Variants in OSR1 observed in about 807,000 individuals in gnomAD.
OSR1 encodes the protein protein odd-skipped-related 1.
In OSR1, 3 loss-of-function variants were observed where a neutral mutation model predicts 15.7. The observed-to-expected ratio is 0.19, with a 90% CI of 0.09 to 0.50. The LOEUF (loss-of-function observed/expected upper bound fraction) is 0.50. Ranked by LOEUF, OSR1 falls within the 20% of genes least tolerant of loss-of-function variation. The probability of loss-of-function intolerance (pLI) is 0.97; values close to 1 mark genes in which losing one functional copy is unlikely to be tolerated. For missense variants in OSR1, 271 were observed against 351.1 expected, an observed-to-expected ratio of 0.77 and a Z score of 1.82; for synonymous variants, 166 against 152.7, an observed-to-expected ratio of 1.09 and a Z score of -0.64.
Position 19,353,706 on chromosome 2 carries a change from G to A in OSR1, c.100C>T (p.Pro34Ser). ...LQAVNGLPTV[P>S]SDHLPNLYGF... Reference sequence around the variant, plus strand: ...TACAGGTTGGGCAGATGGTCCGAAGGCACTGTGGGCAGGCCGTTCACTGCC... The same window carrying A: ...TACAGGTTGGGCAGATGGTCCGAAGACACTGTGGGCAGGCCGTTCACTGCC... Residue 34 changes from proline (P) to serine (S), a missense_variant, in exon 2 of 3, where the codon CCT (proline) becomes TCT (serine). Pro to Ser is a moderately conservative substitution (Grantham distance 74). This residue lies in a region of OSR1 where 210 missense variants were observed against 218.4 expected (regional missense o/e 0.96). Coordinates refer to ENST00000272223, the MANE Select transcript of OSR1 (RefSeq NM_145260.3). The A allele has an allele frequency of 6.2e-7, 1 of 1,614,164 alleles. No individual in the cohort carries two copies. The highest frequency in any genetic ancestry group is 8.5e-7 in the Non-Finnish European group (1 of 1,180,004).
At chr2:19,352,854 C>T (rs1322009107) in intron 2 of OSR1, among the ~76,000 whole-genome samples, 2 of 152,236 alleles carry the variant, frequency 1.3e-5, no homozygotes, top group Non-Finnish European at 2.9e-5. Context: ...ACATGTGTCA[C>T]ATGTCACACC....
At position 19,351,941 on chromosome 2, in the gene OSR1, A is replaced by G. The variant is rs1298742329; in HGVS notation, c.*334T>C. 4.7e-6 allele frequency: 1 copy of G among 213,980 alleles called. No homozygotes were observed. The highest frequency in any genetic ancestry group is 9.3e-6 in the Non-Finnish European group (1 of 107,896). The allele number at this position is 213,980 out of a possible 1,614,324, so 13.3% of individuals were successfully genotyped here. ...AAAAATAAAAAAGAAAACGTATAAAATAACAATAGAAAAAGTAATACTTCT... is the reference window on the plus strand; with the variant it reads ...AAAAATAAAAAAGAAAACGTATAAAGTAACAATAGAAAAAGTAATACTTCT... On this transcript the variant is annotated 3_prime_UTR_variant, in exon 3 of 3. Coordinates refer to ENST00000272223, the MANE Select transcript of OSR1 (RefSeq NM_145260.3).
chr2:19,348,138 C>T (rs1315354141), downstream of OSR1, among the ~76,000 whole-genome samples: 1 of 152,098 alleles, frequency 6.6e-6, no homozygotes, highest in Non-Finnish European at 1.5e-5. Flanking sequence ...GAGTACGCCG[C>T]GGCAACTGCT....
rs746471619 is a variant in OSR1 at position 19,353,442 on chromosome 2, G to A, written c.364C>T (p.Leu122=). Residue 122 remains leucine, a synonymous_variant, in exon 2 of 3, where the codon CTG becomes TTG. Transcript: ENST00000272223. ...KTKPRFDFAN[L]ALAATQEDPA... ...TCTTCTTGCGTTGCTGCCAAGGCCA[G>A]GTTGGCAAAATCAAAGCGCGGCTTG... The A allele has an allele frequency of 6.2e-6, 10 of 1,613,904 alleles. No homozygotes were observed. In the Admixed American group the frequency reaches 1.5e-4, roughly 24 times the overall value.
rs181052550 is a variant in OSR1, at chr2:19,352,844, A to C, written c.665+297T>G. 3.2e-3 allele frequency among the ~76,000 whole-genome samples: 480 copies of C among 152,362 alleles called. 1 individual carries two copies. The highest frequency in any genetic ancestry group is 5.4e-3 in the Non-Finnish European group (364 of 68,034). On this transcript the variant is annotated intron_variant, in intron 2 of 2. Coordinates refer to ENST00000272223, the MANE Select transcript of OSR1 (RefSeq NM_145260.3). Reference sequence around the variant, plus strand: ...CAGACATTTCAAATACTTAACTGTCACATGTGTCACATGTCACACCCCTGA... The same window carrying C: ...CAGACATTTCAAATACTTAACTGTCCCATGTGTCACATGTCACACCCCTGA...
At position 19,351,687 on chromosome 2, in the gene OSR1, C is replaced by T. The variant is rs1407471714; in HGVS notation, c.*588G>A. The T allele has an allele frequency of 1.3e-5, 2 of 152,750 alleles. No individual in the cohort carries two copies. The highest frequency in any genetic ancestry group is 1.9e-4 in the East Asian group (1 of 5,174). 9.5% of individuals were successfully genotyped at this position (152,750 alleles called of 1,614,324 possible). A position where few individuals can be genotyped will look rare whatever the true frequency, so the allele number is the denominator to read the frequency against. The stretch of plus-strand genomic sequence containing the variant: ...GAGGTCCCCGTCCCGCTCTCCTAGT[C>T]CCGGAGCCCACGGCCGCCAGCTGAG... On this transcript the variant is annotated 3_prime_UTR_variant, in exon 3 of 3. Coordinates refer to ENST00000272223, the MANE Select transcript of OSR1 (RefSeq NM_145260.3).
At chr2:19,346,604 A>C (rs972460042), downstream of OSR1, 3 of 152,258 alleles carry the variant, frequency 2.0e-5, no homozygotes, top group African/African-American at 7.2e-5. Context: ...GTCTCTACAC[A>C]AAAAAAGTAG....
chr2:19,358,032 A>G (rs973918559), intron 1 of OSR1: 1 of 152,204 alleles, frequency 6.6e-6, no homozygotes, highest in Non-Finnish European at 1.5e-5. Flanking sequence ...GGGCCCACAG[A>G]TTGACTTTCA....
Position 19,352,042 on chromosome 2 carries a change from CG to C in OSR1, c.*232del, listed in dbSNP as rs1250152765. The C allele has an allele frequency of 2.0e-5, 8 of 406,334 alleles. No individual in the cohort carries two copies. Among genetic ancestry groups the C allele is most frequent in the African/African-American group, 1.6e-4 (8 of 49,476 alleles). 25.2% of individuals were successfully genotyped at this position (406,334 alleles called of 1,614,324 possible). ...AGTTTCCCTTCCGCCACGTGAGTACCGCCTTTTGGCCAAGAGTTTAGCCGCG... is the reference window on the plus strand; with the variant it reads ...AGTTTCCCTTCCGCCACGTGAGTACCCCTTTTGGCCAAGAGTTTAGCCGCG... On this transcript the variant is annotated 3_prime_UTR_variant, in exon 3 of 3. Transcript: ENST00000272223.
At position 19,352,000 on chromosome 2, in the gene OSR1, C is replaced by T. The variant is rs1002950299; in HGVS notation, c.*275G>A. The T allele has an allele frequency of 2.9e-6, 1 of 347,550 alleles. No homozygotes were observed. Among genetic ancestry groups the T allele is most frequent in the East Asian group, 4.5e-5 (1 of 22,272 alleles). The allele number at this position is 347,550 out of a possible 1,614,324, so 21.5% of individuals were successfully genotyped here. A position where few individuals can be genotyped will look rare whatever the true frequency, so the allele number is the denominator to read the frequency against. On this transcript the variant is annotated 3_prime_UTR_variant, in exon 3 of 3. Transcript: ENST00000272223. The stretch of plus-strand genomic sequence containing the variant: ...CGCCGCTGCGGCTCCGCGGAGCTTT[C>T]GTTCTTTTTTTAATGCAGTTTCCCT...
intron 2 of OSR1, 134 bp downstream of exon 2, chr2:19,353,007 C>T: frequency 8.6e-7 from 1 of 1,164,730 alleles, no homozygotes; most frequent in African/African-American, 1.6e-5. Context: ...CTAGGCTTTC[C>T]TTCTTGATTT....
chr2:19,352,153 A>C lies in OSR1; in HGVS notation c.*122T>G. ...GCGTGCGCCAGGGACCCAGGGGACAATGTTGGAGAGGTGGAAGGTCCCGAG... is the reference window on the plus strand; with the variant it reads ...GCGTGCGCCAGGGACCCAGGGGACACTGTTGGAGAGGTGGAAGGTCCCGAG... On this transcript the variant is annotated 3_prime_UTR_variant, in exon 3 of 3. Coordinates refer to ENST00000272223, the MANE Select transcript of OSR1 (RefSeq NM_145260.3). 1.7e-6 allele frequency: 2 copies of C among 1,161,132 alleles called. No homozygotes were observed. The highest frequency in any genetic ancestry group is 2.4e-6 in the Non-Finnish European group (2 of 837,088). 71.9% of individuals were successfully genotyped at this position (1,161,132 alleles called of 1,614,324 possible). A position where few individuals can be genotyped will look rare whatever the true frequency, so the allele number is the denominator to read the frequency against.
At chr2:19,348,352 GC>G (rs1474152033), downstream of OSR1, 1 of 154,522 alleles carries the variant, frequency 6.5e-6, no homozygotes. Flanking sequence ...GGATATGTTA[GC>G]CCGAGGCGGG....
At chr2:19,352,524 G>T in intron 2 of OSR1, 114 bp from the exon 3 acceptor site, 1 of 1,289,662 alleles carries the variant, frequency 7.8e-7, no homozygotes, top group Non-Finnish European at 1.1e-6. Flanking sequence ...AAAGTGTATA[G>T]TCAGGTACCA....
At chr2:19,348,519 C>G (rs1664779467), downstream of OSR1, 1 of 154,128 alleles carries the variant, frequency 6.5e-6, no homozygotes, top group African/African-American at 2.4e-5. Context: ...TGGGACGGGA[C>G]TCTTTTGAGC....
In OSR1 at chr2:19,353,576, G is replaced by A; in HGVS notation, c.230C>T (p.Ser77Phe). 6.2e-7 allele frequency: 1 copy of A among 1,614,220 alleles called. No homozygotes were observed. The highest frequency in any genetic ancestry group is 1.3e-5 in the African/African-American group (1 of 75,074). Reference protein sequence around the residue: ...SSFSKVPGTVSSLVDARFQLP... With the variant: ...SSFSKVPGTVFSLVDARFQLP... Reference sequence around the variant, plus strand: ...CTGGAAGCGCGCATCCACCAAGCTGGACACCGTGCCCGGCACTTTGGAGAA... The same window carrying A: ...CTGGAAGCGCGCATCCACCAAGCTGAACACCGTGCCCGGCACTTTGGAGAA... Residue 77 changes from serine to phenylalanine, a missense_variant, in exon 2 of 3, where the codon TCC (serine) becomes TTC (phenylalanine). Physicochemically the swap from Ser to Phe is radical, Grantham distance 155. Around this residue, in one of 4 missense-constraint regions of OSR1, gnomAD observed 210 missense variants for 218.4 expected, o/e 0.96. Transcript: ENST00000272223.
chr2:19,346,177 G>A, the OSR1 span, among the ~76,000 whole-genome samples: 2 of 152,202 alleles, frequency 1.3e-5, no homozygotes, highest in African/African-American at 2.4e-5. Flanking sequence ...TATTAATTAC[G>A]CTTTATACAT....
rs1037712901 is a variant in OSR1, at chr2:19,352,180, G to A, written c.*95C>T. 7.1e-7 allele frequency: 1 copy of A among 1,409,002 alleles called. No individual in the cohort carries two copies. Among genetic ancestry groups the A allele is most frequent in the Non-Finnish European group, 9.7e-7 (1 of 1,029,174 alleles). 87.3% of individuals were successfully genotyped at this position (1,409,002 alleles called of 1,614,324 possible). A position where few individuals can be genotyped will look rare whatever the true frequency, so the allele number is the denominator to read the frequency against. The stretch of plus-strand genomic sequence containing the variant: ...GTTGGAGAGGTGGAAGGTCCCGAGC[G>A]AGCGCCTCTCCCGCTGCCCGCCAGA... On this transcript the variant is annotated 3_prime_UTR_variant, in exon 3 of 3. Transcript: ENST00000272223.
intron 1 of OSR1, chr2:19,354,068 A>G (rs1664899693): frequency 2.2e-6 from 1 of 458,074 alleles, no homozygotes; most frequent in South Asian, 3.6e-5. Flanking sequence ...CTCCCTCCAA[A>G]TGGCGTCTGG....
Sources: allele counts gnomAD v4.1 joint callset (sites outside exome capture counted in the v4.1 genomes callset), GRCh38; gene constraint gnomAD v4.1.1; regional missense constraint gnomAD v4.1.1; transcripts MANE v1.5; gene names NCBI Gene and HGNC (gene_info 2026-07-23, HGNC 2026-07-21).